Variants in PUM2 observed in about 807,000 individuals in gnomAD.
PUM2 encodes pumilio homolog 2.
Under a neutral mutation model 124.5 loss-of-function variants are expected in PUM2, and 57 were observed. That is an observed-to-expected ratio of 0.46 (90% CI 0.37 to 0.57). PUM2 has a LOEUF of 0.57. Ranked by LOEUF, PUM2 falls within the 20% of genes least tolerant of loss-of-function variation. The pLI, the probability that PUM2 is intolerant of heterozygous loss-of-function variation, is 0.00. For missense variants in PUM2, 1,065 were observed against 1,290.6 expected, an observed-to-expected ratio of 0.83 and a Z score of 2.68; for synonymous variants, 460 against 446.1, an observed-to-expected ratio of 1.03 and a Z score of -0.39.
intron 7 of PUM2, among the ~76,000 whole-genome samples, chr2:20,306,518 T>TG (rs929284941): frequency 2.1e-5 from 3 of 144,848 alleles, no homozygotes; most frequent in African/African-American, 7.7e-5. Flanking sequence ...ATAAAGCGGG[T>TG]GGGGAAAAAA....
intron 20 of PUM2, among the ~76,000 whole-genome samples, chr2:20,252,319 G>A (rs1663609949): frequency 6.6e-6 from 1 of 152,166 alleles, no homozygotes; most frequent in East Asian, 1.9e-4. Flanking sequence ...GACTAAAGTG[G>A]GAGGATGGCT....
intron 10 of PUM2, among the ~76,000 whole-genome samples, chr2:20,287,885 T>C (rs554888291): frequency 7.2e-5 from 11 of 152,100 alleles, no homozygotes; most frequent in Non-Finnish European, 1.5e-4. Flanking sequence ...ACAGGAAAAT[T>C]TGGAAATGTG....
chr2:20,252,203 G>A (rs1418307481), intron 20 of PUM2, among the ~76,000 whole-genome samples: 2 of 152,168 alleles, frequency 1.3e-5, no homozygotes, highest in South Asian at 4.1e-4. Flanking sequence ...TAGACACTTA[G>A]AGGCCAGTAC....
chr2:20,283,328 G>A lies in PUM2; in HGVS notation c.1435+15C>T. 1 of 1,612,318 alleles carries A rather than the reference G, an allele frequency of 6.2e-7. No homozygotes were observed. The highest frequency in any genetic ancestry group is 8.5e-7 in the Non-Finnish European group (1 of 1,178,966). ...ACCAGAAAAATATTATCCTAAAAAT[G>A]TCAGTTACACTTACCAGCTTGTGCT... On this transcript the variant is annotated intron_variant, in intron 11 of 20. Coordinates refer to ENST00000361078, the MANE Select transcript of PUM2 (RefSeq NM_015317.5).
At chr2:20,267,700 A>C (rs1668026901) in intron 13 of PUM2, among the ~76,000 whole-genome samples, 1 of 152,104 alleles carries the variant, frequency 6.6e-6, no homozygotes, top group Admixed American at 6.5e-5. Flanking sequence ...ATAATTCCAC[A>C]GATGAGGTCA....
chr2:20,308,112 T>A, intron 6 of PUM2, 41 bp from the exon 7 acceptor site: 1 of 1,571,224 alleles, frequency 6.4e-7, no homozygotes, highest in Non-Finnish European at 8.7e-7. Context: ...AGTGTCAAAA[T>A]CTTTCATTTC....
intron 12 of PUM2, among the ~76,000 whole-genome samples, chr2:20,282,705 G>A (rs896255685): frequency 6.6e-6 from 1 of 151,966 alleles, no homozygotes; most frequent in Non-Finnish European, 1.5e-5. Flanking sequence ...TCAATTCCTA[G>A]AGCCAGGGAA....
chr2:20,294,995 T>G (rs1182680708), intron 8 of PUM2, among the ~76,000 whole-genome samples: 1 of 152,192 alleles, frequency 6.6e-6, no homozygotes, highest in Non-Finnish European at 1.5e-5. Flanking sequence ...GTATTTGAGT[T>G]GAAAACCTTA....
intron 8 of PUM2, among the ~76,000 whole-genome samples, chr2:20,294,818 C>T (rs1365273161): frequency 6.6e-6 from 1 of 152,150 alleles, no homozygotes; most frequent in African/African-American, 2.4e-5. Flanking sequence ...ATAATATATT[C>T]AGGGAACACA....
chr2:20,316,729 G>C (rs1316785812), intron 3 of PUM2, among the ~76,000 whole-genome samples: 3 of 151,992 alleles, frequency 2.0e-5, no homozygotes, highest in Non-Finnish European at 4.4e-5. Flanking sequence ...CTAAAAGAAA[G>C]TTTTAAAAAT....
chr2:20,338,815 T>G (rs2149038481), intron 1 of PUM2, among the ~76,000 whole-genome samples: 1 of 152,356 alleles, frequency 6.6e-6, no homozygotes, highest in Non-Finnish European at 1.5e-5. Context: ...CATCCTAGTT[T>G]TGTAAAAACA....
At chr2:20,315,453 G>GT (rs1350580548) in intron 3 of PUM2, among the ~76,000 whole-genome samples, 7 of 152,134 alleles carry the variant, frequency 4.6e-5, no homozygotes, top group Admixed American at 2.6e-4. Flanking sequence ...TTCAATAAAT[G>GT]TTTGTTAGGT....
Position 20,251,580 on chromosome 2 carries a change from G to GT in PUM2, c.*4dup, listed in dbSNP as rs780176333. 1 of 1,608,908 alleles carries GT rather than the reference G, an allele frequency of 6.2e-7. No individual in the cohort carries two copies. The highest frequency in any genetic ancestry group is 1.1e-5 in the South Asian group (1 of 89,544). On this transcript the variant is annotated 3_prime_UTR_variant, in exon 21 of 21. Coordinates refer to ENST00000361078, the MANE Select transcript of PUM2 (RefSeq NM_015317.5). ...AAATTATCTTCTTTCTCTTGCTCCT[G>GT]TAATTTACAGCATTCCATTTGGTGG...
chr2:20,256,668 T>C (rs1396162797), intron 16 of PUM2, among the ~76,000 whole-genome samples: 2 of 152,224 alleles, frequency 1.3e-5, no homozygotes, highest in African/African-American at 4.8e-5. Flanking sequence ...TTATGGGCTA[T>C]GATTTTTACA....
At chr2:20,337,417 A>G (rs765725038) in intron 1 of PUM2, among the ~76,000 whole-genome samples, 2 of 152,246 alleles carry the variant, frequency 1.3e-5, no homozygotes, top group African/African-American at 2.4e-5. Flanking sequence ...ATGGGTATAA[A>G]TAAGATTTCA....
intron 1 of PUM2, among the ~76,000 whole-genome samples, chr2:20,341,360 A>C (rs1687195202): frequency 6.6e-6 from 1 of 152,242 alleles, no homozygotes; most frequent in Non-Finnish European, 1.5e-5. Flanking sequence ...AAAAAGTTAA[A>C]ACAATGAGCC....
intron 7 of PUM2, among the ~76,000 whole-genome samples, chr2:20,299,965 T>C (rs1676559448): frequency 6.6e-6 from 1 of 152,190 alleles, no homozygotes; most frequent in African/African-American, 2.4e-5. Flanking sequence ...GCTTGGGTTG[T>C]GATAAGAGGT....
At chr2:20,324,230 C>T (rs1683120204) in intron 2 of PUM2, among the ~76,000 whole-genome samples, 1 of 152,140 alleles carries the variant, frequency 6.6e-6, no homozygotes, top group African/African-American at 2.4e-5. Context: ...GGTCATAACA[C>T]TAGGGAGAGA....
At position 20,303,452 on chromosome 2, in the gene PUM2, T is replaced by TC. The variant is rs1252331531; in HGVS notation, c.883+4525dup. On this transcript the variant is annotated intron_variant, in intron 7 of 20. Transcript: ENST00000361078. ...GCTTTCAAGTTTTTTTTTTTTTTTT[T>TC]CAAAAGAGAAAAAAAAACCTGCTGG... 2.4e-3 allele frequency among the ~76,000 whole-genome samples: 364 copies of TC among 150,590 alleles called. 1 individual carries two copies. The highest frequency in any genetic ancestry group is 3.4e-3 in the African/African-American group (140 of 41,038).
Sources: allele counts gnomAD v4.1 joint callset (sites outside exome capture counted in the v4.1 genomes callset), GRCh38; gene constraint gnomAD v4.1.1; transcripts MANE v1.5; gene names NCBI Gene and HGNC (gene_info 2026-07-23, HGNC 2026-07-21).